The following DCC variants were observed in gnomAD, a reference collection of about 807,000 sequenced individuals.
DCC encodes DCC netrin 1 receptor.
In DCC, 58 loss-of-function variants were observed where a neutral mutation model predicts 172.5. The observed-to-expected ratio is 0.34, with a 90% CI of 0.27 to 0.42. The LOEUF is 0.42. DCC is among the 10% of genes least tolerant of loss of function. The pLI, the probability that DCC is intolerant of heterozygous loss-of-function variation, is 1.00. For missense variants in DCC, 1,740 were observed against 1,791.0 expected, an observed-to-expected ratio of 0.97 and a Z score of 0.51; for synonymous variants, 709 against 644.5, an observed-to-expected ratio of 1.10 and a Z score of -1.52.
intron 5 of DCC, among the ~76,000 whole-genome samples, chr18:52,962,419 C>T (rs2040856684): frequency 1.3e-5 from 2 of 149,478 alleles, no homozygotes; most frequent in African/African-American, 4.9e-5. Flanking sequence ...CATCTCACAC[C>T]AGTTAGAATG....
At chr18:52,556,451 A>G (rs1179022064) in intron 1 of DCC, among the ~76,000 whole-genome samples, 1 of 152,144 alleles carries the variant, frequency 6.6e-6, no homozygotes, top group Non-Finnish European at 1.5e-5. Flanking sequence ...TTGAAGGAGA[A>G]CAAACTTGGT....
At chr18:52,799,802 TTA>T (rs2037949204) in intron 2 of DCC, among the ~76,000 whole-genome samples, 1 of 152,210 alleles carries the variant, frequency 6.6e-6, no homozygotes, top group South Asian at 2.1e-4. Flanking sequence ...GTTTTATCTG[TTA>T]ATAACTAGCA....
In DCC at chr18:53,317,464, G is replaced by C. The variant is rs2057357671; in HGVS notation, c.2054-4583G>C. 2.0e-5 allele frequency among the ~76,000 whole-genome samples: 3 copies of C among 152,164 alleles called. 1 individual carries two copies. The South Asian group carries it at 6.2e-4, about 32-fold the overall frequency. ...TACTTTTTTTGTTGTGTCTCTGTCA[G>C]GTGTTGGTATCAGGATGATGCTGGC... is the stretch of plus-strand genomic sequence containing the variant. On this transcript the variant is annotated intron_variant, in intron 13 of 28. Transcript: ENST00000442544.
chr18:52,836,982 A>C (rs887387524), intron 2 of DCC, among the ~76,000 whole-genome samples: 2 of 152,134 alleles, frequency 1.3e-5, no homozygotes, highest in Non-Finnish European at 2.9e-5. Flanking sequence ...TCAATTCTTG[A>C]CTTCTATGCA....
At chr18:52,895,587 A>G (rs966861265) in intron 2 of DCC, among the ~76,000 whole-genome samples, 3 of 152,206 alleles carry the variant, frequency 2.0e-5, no homozygotes, top group Admixed American at 6.5e-5. Context: ...ATTTAAAAAA[A>G]GTTTATTAAC....
chr18:52,550,299 G>A (rs1630730), intron 1 of DCC, among the ~76,000 whole-genome samples: 1 of 151,962 alleles, frequency 6.6e-6, no homozygotes. Flanking sequence ...ACGAGCCTAA[G>A]GAGACATGGG....
chr18:53,402,506 C>T (rs1247166985), intron 18 of DCC, among the ~76,000 whole-genome samples: 1 of 152,008 alleles, frequency 6.6e-6, no homozygotes, highest in East Asian at 1.9e-4. Flanking sequence ...TTAGTGTGAG[C>T]CCACTTGAAA....
At chr18:52,419,690 G>A (rs1987179795) in intron 1 of DCC, 2 of 152,072 alleles carry the variant, frequency 1.3e-5, no homozygotes, top group South Asian at 2.1e-4. Flanking sequence ...AGAGTGAGAG[G>A]ATCCTGCATA....
chr18:53,108,680 C>T (rs917597580), intron 7 of DCC, among the ~76,000 whole-genome samples: 1 of 151,682 alleles, frequency 6.6e-6, no homozygotes, highest in African/African-American at 2.4e-5. Flanking sequence ...TGAATGGAAT[C>T]CCACCATGTA....
At chr18:52,682,073 A>G (rs2035758275) in intron 1 of DCC, among the ~76,000 whole-genome samples, 1 of 152,128 alleles carries the variant, frequency 6.6e-6, no homozygotes, top group South Asian at 2.1e-4. Context: ...CAAACTTGCC[A>G]TTATTAACTA....
At chr18:52,442,067 G>A (rs1203601593) in intron 1 of DCC, among the ~76,000 whole-genome samples, 1 of 152,052 alleles carries the variant, frequency 6.6e-6, no homozygotes, top group Non-Finnish European at 1.5e-5. Flanking sequence ...GTATTATACT[G>A]TCCTTTAGGT....
At chr18:52,962,082 G>A (rs2040851414) in intron 5 of DCC, among the ~76,000 whole-genome samples, 1 of 150,884 alleles carries the variant, frequency 6.6e-6, no homozygotes, top group Non-Finnish European at 1.5e-5. Flanking sequence ...CAAAAGCAAT[G>A]GCAACAAAAG....
intron 1 of DCC, among the ~76,000 whole-genome samples, chr18:52,439,138 T>C (rs1176110677): frequency 6.6e-6 from 1 of 151,654 alleles, no homozygotes; most frequent in Admixed American, 6.6e-5. Flanking sequence ...AAAAGCATGG[T>C]AAACATACCA....
chr18:52,658,556 T>C (rs545286854), intron 1 of DCC, among the ~76,000 whole-genome samples: 199 of 152,092 alleles, frequency 1.3e-3, no homozygotes, highest in South Asian at 9.2e-3. Flanking sequence ...CTTTTACTAT[T>C]CTTCTAGTTC....
At chr18:52,930,921 A>AT (rs951109273) in intron 5 of DCC, among the ~76,000 whole-genome samples, 7 of 152,086 alleles carry the variant, frequency 4.6e-5, no homozygotes, top group African/African-American at 1.7e-4. Flanking sequence ...CTGGTTATGG[A>AT]TTACATGTTG....
At chr18:52,413,067 G>T (rs1986895157) in intron 1 of DCC, among the ~76,000 whole-genome samples, 1 of 151,810 alleles carries the variant, frequency 6.6e-6, no homozygotes, top group African/African-American at 2.4e-5. Context: ...ATTGTCTTCA[G>T]TAGGCCTTAG....
chr18:52,562,524 T>G (rs1036163198), intron 1 of DCC, among the ~76,000 whole-genome samples: 1 of 152,168 alleles, frequency 6.6e-6, no homozygotes, highest in African/African-American at 2.4e-5. Context: ...AGAAATGACC[T>G]TGCCAAGTTT....
At chr18:52,412,706 G>C (rs1986883904) in intron 1 of DCC, among the ~76,000 whole-genome samples, 1 of 152,070 alleles carries the variant, frequency 6.6e-6, no homozygotes, top group Non-Finnish European at 1.5e-5. Flanking sequence ...TTTAAATTTA[G>C]AACTTTCTCA....
intron 21 of DCC, among the ~76,000 whole-genome samples, chr18:53,419,406 A>G (rs568509686): frequency 5.5e-4 from 83 of 152,178 alleles, no homozygotes; most frequent in African/African-American, 2.0e-3. Flanking sequence ...ATATTTTTAT[A>G]CCCATTAATC....
Sources: allele counts gnomAD v4.1 joint callset (sites outside exome capture counted in the v4.1 genomes callset), GRCh38; gene constraint gnomAD v4.1.1; transcripts MANE v1.5; gene names NCBI Gene and HGNC (gene_info 2026-07-23, HGNC 2026-07-21).